Variants in GPR89B observed in about 807,000 individuals in gnomAD.
GPR89B encodes golgi pH regulator B, also known as G protein-coupled receptor 89B.
In GPR89B, 25 loss-of-function variants were observed where a neutral mutation model predicts 52.4. The ratio of observed to expected loss-of-function variants is 0.48; its 90% confidence interval spans 0.35 to 0.67. The LOEUF (loss-of-function observed/expected upper bound fraction) is 0.67, where lower values mean the gene tolerates loss of function less well. Ranked by LOEUF, GPR89B falls within the 30% of genes least tolerant of loss-of-function variation. The pLI, the probability that GPR89B is intolerant of heterozygous loss-of-function variation, is 0.01. For synonymous variants in GPR89B, 52 were observed against 151.2 expected, an observed-to-expected ratio of 0.34 and a Z score of 4.81; for missense variants, 146 against 450.2, an observed-to-expected ratio of 0.32 and a Z score of 6.11.
intron 5 of GPR89B, among the ~76,000 whole-genome samples, chr1:147,949,278 C>G (rs1553250362): frequency 1.3e-5 from 2 of 151,776 alleles, no homozygotes; most frequent in Admixed American, 6.6e-5. Flanking sequence ...CTGTTGGGTA[C>G]ACCTCCCAGA....
chr1:147,984,131 A>G (rs1274602415), intron 10 of GPR89B, among the ~76,000 whole-genome samples: 1 of 109,148 alleles, frequency 9.2e-6, no homozygotes, highest in African/African-American at 3.6e-5. Context: ...GAACAATGAG[A>G]ACACATGGAC....
chr1:147,939,561 T>C (rs1248256208), intron 3 of GPR89B, among the ~76,000 whole-genome samples: 2 of 152,204 alleles, frequency 1.3e-5, no homozygotes, highest in East Asian at 3.9e-4. Flanking sequence ...CCAAGGTAAG[T>C]TCATTATAGA....
chr1:147,972,353 G>A (rs1464430056), intron 10 of GPR89B, among the ~76,000 whole-genome samples: 12 of 151,224 alleles, frequency 7.9e-5, no homozygotes, highest in African/African-American at 2.4e-4. Context: ...GGAGTGGAAT[G>A]TCTGGATCAT....
chr1:147,975,567 C>G (rs1163310272), intron 10 of GPR89B, among the ~76,000 whole-genome samples: 1 of 151,958 alleles, frequency 6.6e-6, no homozygotes, highest in African/African-American at 2.4e-5. Flanking sequence ...CTTTATTAGT[C>G]TAGTAGTGGT....
At chr1:147,969,993 A>G in intron 10 of GPR89B, 34 bp downstream of exon 10, 2 of 1,171,138 alleles carry the variant, frequency 1.7e-6, no homozygotes, top group East Asian at 2.6e-5. Context: ...CAGAGTTTAG[A>G]TGTTTTTTCC....
chr1:147,990,723 T>C (rs1467615994), intron 12 of GPR89B, among the ~76,000 whole-genome samples: 1 of 151,870 alleles, frequency 6.6e-6, no homozygotes, highest in East Asian at 1.9e-4. Context: ...CCCCATTTCT[T>C]GTTTTTGTCA....
intron 12 of GPR89B, among the ~76,000 whole-genome samples, chr1:147,991,625 C>T (rs1451076468): frequency 6.6e-5 from 10 of 152,126 alleles, no homozygotes; most frequent in African/African-American, 2.4e-4. Context: ...TACGTCCCAT[C>T]AATACCTAAT....
the GPR89B span, among the ~76,000 whole-genome samples, chr1:148,002,128 C>G: frequency 6.7e-6 from 1 of 149,978 alleles, no homozygotes; most frequent in African/African-American, 2.5e-5. Context: ...GATCTCTCAA[C>G]TGTAATGTAT....
At chr1:148,007,098 C>T in the GPR89B span, among the ~76,000 whole-genome samples, 11 of 135,094 alleles carry the variant, frequency 8.1e-5, no homozygotes, top group East Asian at 4.4e-4. Context: ...TTTTTTGAGA[C>T]GGAGTCTTGC....
the GPR89B span, among the ~76,000 whole-genome samples, chr1:148,015,352 G>A: frequency 7.6e-5 from 10 of 131,558 alleles, no homozygotes; most frequent in Non-Finnish European, 3.2e-5. Flanking sequence ...GTCTCTCTCT[G>A]TCACCAGGCT....
chr1:148,016,804 T>A, the GPR89B span, among the ~76,000 whole-genome samples: 1 of 151,292 alleles, frequency 6.6e-6, no homozygotes, highest in Non-Finnish European at 1.5e-5. Context: ...TACTCATAAA[T>A]TAGGCCTCTT....
chr1:148,009,280 G>A, the GPR89B span: 3 of 1,479,012 alleles, frequency 2.0e-6, no homozygotes, highest in East Asian at 6.8e-5. Flanking sequence ...TAGCATCTTT[G>A]TTCTGGAAGC....
intron 5 of GPR89B, among the ~76,000 whole-genome samples, chr1:147,950,275 G>A (rs1655529212): frequency 1.3e-5 from 2 of 150,060 alleles, no homozygotes; most frequent in South Asian, 4.2e-4. Context: ...CCGGGTAGAG[G>A]TGCTCCTCAC....
At chr1:147,958,968 A>G (rs1656334672) in intron 7 of GPR89B, among the ~76,000 whole-genome samples, 1 of 152,198 alleles carries the variant, frequency 6.6e-6, no homozygotes, top group African/African-American at 2.4e-5. Flanking sequence ...ATTTACCACA[A>G]TATAGAAAAA....
chr1:147,977,497 T>C (rs1657930103), intron 10 of GPR89B, among the ~76,000 whole-genome samples: 1 of 151,914 alleles, frequency 6.6e-6, no homozygotes, highest in Admixed American at 6.5e-5. Flanking sequence ...AATGTTGGCC[T>C]GTCTTGCTAG....
intron 7 of GPR89B, among the ~76,000 whole-genome samples, chr1:147,959,499 T>C (rs1245820854): frequency 6.6e-6 from 1 of 152,086 alleles, no homozygotes; most frequent in Non-Finnish European, 1.5e-5. Flanking sequence ...CAGGTAACTA[T>C]TGCAAGTTGA....
chr1:147,938,118 G>C (rs1189951454), intron 2 of GPR89B, among the ~76,000 whole-genome samples: 3 of 152,020 alleles, frequency 2.0e-5, no homozygotes, highest in African/African-American at 7.3e-5. Flanking sequence ...CACAAGGCTG[G>C]TGTTGTTTTT....
At chr1:147,949,040 G>A (rs1437295896) in intron 5 of GPR89B, among the ~76,000 whole-genome samples, 2 of 152,052 alleles carry the variant, frequency 1.3e-5, no homozygotes, top group Non-Finnish European at 2.9e-5. Flanking sequence ...AACCCTGAGT[G>A]GACACAGCAC....
In GPR89B at chr1:147,974,943, C is replaced by T. The variant is rs1233213899; in HGVS notation, c.909+4984C>T. 7.9e-3 allele frequency among the ~76,000 whole-genome samples: 1,201 copies of T among 151,368 alleles called. 36 individuals carry two copies. The highest frequency in any genetic ancestry group is 0.047 in the East Asian group (240 of 5,152). ...ATTGAGATAATCATGTGGTTTTTGT[C>T]ATTGGTTCTGTTTATGTGATGGATT... On this transcript the variant is annotated intron_variant, in intron 10 of 13. Coordinates refer to ENST00000314163, the MANE Select transcript of GPR89B (RefSeq NM_016334.5).
Sources: allele counts gnomAD v4.1 joint callset (sites outside exome capture counted in the v4.1 genomes callset), GRCh38; gene constraint gnomAD v4.1.1; transcripts MANE v1.5; gene names NCBI Gene and HGNC (gene_info 2026-07-23, HGNC 2026-07-21).